The following IQGAP2 variants were observed in gnomAD, a reference collection of about 807,000 sequenced individuals.
IQGAP2 encodes the protein ras GTPase-activating-like protein IQGAP2.
IQGAP2 carries 173 observed loss-of-function variants against 201.3 expected under a neutral mutation model. That is an observed-to-expected ratio of 0.86 (90% confidence interval 0.76 to 0.98). The LOEUF is 0.98. Among genes scored for constraint, IQGAP2 ranks in the 50% least tolerant of loss-of-function variants. The probability of loss-of-function intolerance (pLI) is 0.00; values close to 1 mark genes in which losing one functional copy is unlikely to be tolerated. For synonymous variants in IQGAP2, 675 were observed against 673.9 expected (o/e 1.00, Z -0.03); for missense variants, 1,687 against 1,864.8 (o/e 0.90, Z 1.76).
At chr5:76,612,587 C>T (rs966510770) in intron 13 of IQGAP2, among the ~76,000 whole-genome samples, 5 of 152,092 alleles carry the variant, frequency 3.3e-5, no homozygotes, top group East Asian at 3.8e-4. Context: ...CTGTCTGATT[C>T]GGAAACATTA....
chr5:76,538,058 G>C (rs1451044311), intron 2 of IQGAP2, among the ~76,000 whole-genome samples: 1 of 152,224 alleles, frequency 6.6e-6, no homozygotes, highest in Non-Finnish European at 1.5e-5. Flanking sequence ...AAAGCAAGAG[G>C]TTTAACAGAC....
At chr5:76,586,179 G>T (rs1746232338) in intron 5 of IQGAP2, among the ~76,000 whole-genome samples, 1 of 152,086 alleles carries the variant, frequency 6.6e-6, no homozygotes, top group Non-Finnish European at 1.5e-5. Flanking sequence ...TAAAGACCTA[G>T]AACTTTAACT....
At chr5:76,551,304 G>T (rs1476713697) in intron 2 of IQGAP2, among the ~76,000 whole-genome samples, 80 of 150,778 alleles carry the variant, frequency 5.3e-4, no homozygotes, top group Admixed American at 9.2e-4. Flanking sequence ...ATGGGCGGCC[G>T]GGCAGAGATG....
At chr5:76,427,950 C>G (rs1752107969) in intron 1 of IQGAP2, among the ~76,000 whole-genome samples, 1 of 152,210 alleles carries the variant, frequency 6.6e-6, no homozygotes, top group African/African-American at 2.4e-5. Context: ...TGCAGGCTGT[C>G]AAGCAGTGGG....
chr5:76,466,555 G>A (rs919929170), intron 2 of IQGAP2, among the ~76,000 whole-genome samples: 1 of 152,166 alleles, frequency 6.6e-6, no homozygotes, highest in African/African-American at 2.4e-5. Flanking sequence ...TAACACTTCT[G>A]GTAAACTGAT....
intron 1 of IQGAP2, among the ~76,000 whole-genome samples, chr5:76,448,370 A>G (rs568861960): frequency 6.6e-6 from 1 of 152,258 alleles, no homozygotes; most frequent in South Asian, 2.1e-4. Context: ...TCATGTAGCA[A>G]GGTCTCTACA....
chr5:76,574,516 G>A (rs1745337182), intron 4 of IQGAP2, among the ~76,000 whole-genome samples: 1 of 152,068 alleles, frequency 6.6e-6, no homozygotes, highest in South Asian at 2.1e-4. Flanking sequence ...GTGATCGCCT[G>A]CCTCAGCCTC....
chr5:76,533,029 G>C (rs1759405599), intron 2 of IQGAP2, among the ~76,000 whole-genome samples: 4 of 152,216 alleles, frequency 2.6e-5, no homozygotes, highest in African/African-American at 9.6e-5. Context: ...TTTCCCCAAT[G>C]GGAAGAGGGT....
rs778919768 is a variant in IQGAP2, at chr5:76,592,934, T to C, written c.907+9T>C. The C allele has an allele frequency of 6.5e-7, 1 of 1,544,780 alleles. No homozygotes were observed. On this transcript the variant is annotated intron_variant, in intron 9 of 35. Coordinates refer to ENST00000274364, the MANE Select transcript of IQGAP2 (RefSeq NM_006633.5). ...TATTAATAAAGTCAACAGTAAGTAATGGATCGTATGAAGGAAATTGATATT... is the reference window on the plus strand; with the variant it reads ...TATTAATAAAGTCAACAGTAAGTAACGGATCGTATGAAGGAAATTGATATT...
At chr5:76,603,255 C>CT (rs1747555845) in intron 11 of IQGAP2, among the ~76,000 whole-genome samples, 1 of 152,164 alleles carries the variant, frequency 6.6e-6, no homozygotes, top group African/African-American at 2.4e-5. Flanking sequence ...AGCTTCTGAG[C>CT]CCTGCCTACC....
At chr5:76,654,672 T>C (rs959879983) in intron 19 of IQGAP2, among the ~76,000 whole-genome samples, 12 of 152,256 alleles carry the variant, frequency 7.9e-5, no homozygotes, top group African/African-American at 2.9e-4. Context: ...ATCATCTAAG[T>C]TGTGTGCTAA....
rs986019015 is a variant in IQGAP2, at chr5:76,637,203, C to A, written c.1923+27C>A. ...TAGGAGGTTGGTGTTTGATGGATAA[C>A]TCTACTGTATAAAGTTAAATTTGAC... On this transcript the variant is annotated intron_variant, in intron 16 of 35. Transcript: ENST00000274364. The A allele has an allele frequency of 8.3e-6, 13 of 1,562,128 alleles. No homozygotes were observed. In the East Asian group the frequency reaches 2.9e-4, roughly 35 times the overall value.
At chr5:76,552,147 T>C (rs894899644) in intron 2 of IQGAP2, among the ~76,000 whole-genome samples, 2 of 152,240 alleles carry the variant, frequency 1.3e-5, no homozygotes, top group African/African-American at 2.4e-5. Context: ...CAGAGCCAGA[T>C]AGATCTATTG....
intron 2 of IQGAP2, among the ~76,000 whole-genome samples, chr5:76,514,011 C>CTTT (rs70982619): frequency 4.6e-5 from 3 of 65,084 alleles, no homozygotes; most frequent in Non-Finnish European, 7.9e-5. Context: ...TATTTGTTGC[C>CTTT]TTTTTTTTTT....
rs2150485292 is a variant in IQGAP2, at chr5:76,671,882, A to G, written c.2967A>G (p.Val989=). 1 of 1,614,098 alleles carries G rather than the reference A, an allele frequency of 6.2e-7. No homozygotes were observed. The highest frequency in any genetic ancestry group is 8.5e-7 in the Non-Finnish European group (1 of 1,179,994). Residue 989 remains valine, a synonymous_variant, in exon 24 of 36, where the codon GTA becomes GTG. Transcript: ENST00000274364. ...TGCGCCAACTCCTGGCTCCAGTGGTAAAAGAGATCATCGACGACAAGTCGC... is the reference window on the plus strand; with the variant it reads ...TGCGCCAACTCCTGGCTCCAGTGGTGAAAGAGATCATCGACGACAAGTCGC... ...NTLRQLLAPV[V]KEIIDDKSLI...
At chr5:76,478,652 A>G (rs1712980687) in intron 2 of IQGAP2, among the ~76,000 whole-genome samples, 1 of 152,178 alleles carries the variant, frequency 6.6e-6, no homozygotes, top group Non-Finnish European at 1.5e-5. Context: ...AAATACCACC[A>G]TGCTACAACT....
chr5:76,515,100 GA>G (rs1171675279), intron 2 of IQGAP2, among the ~76,000 whole-genome samples: 1 of 152,186 alleles, frequency 6.6e-6, no homozygotes, highest in Non-Finnish European at 1.5e-5. Context: ...ATTGAATGAA[GA>G]GTTTAGATTG....
At chr5:76,601,935 T>C (rs1441213183) in intron 11 of IQGAP2, among the ~76,000 whole-genome samples, 1 of 152,200 alleles carries the variant, frequency 6.6e-6, no homozygotes, top group African/African-American at 2.4e-5. Context: ...TTCATATGAC[T>C]CCTTAGAGTG....
intron 2 of IQGAP2, among the ~76,000 whole-genome samples, chr5:76,507,972 C>A (rs1322247613): frequency 1.4e-5 from 2 of 139,946 alleles, no homozygotes; most frequent in Non-Finnish European, 3.0e-5. Flanking sequence ...CACTGCACCC[C>A]AGCCTGGGTG....
Sources: gnomAD v4.1 joint callset for allele counts (sites outside exome capture counted in the v4.1 genomes callset) on GRCh38, gnomAD v4.1.1 for gene constraint, MANE v1.5 for transcripts, NCBI Gene and HGNC (gene_info 2026-07-23, HGNC 2026-07-21) for gene names.